Variants in ZNF385D observed in about 807,000 individuals in gnomAD.
The protein encoded by ZNF385D is zinc finger protein 659.
ZNF385D carries 15 observed loss-of-function variants against 35.8 expected under a neutral mutation model. The ratio of observed to expected loss-of-function variants is 0.42; its 90% confidence interval spans 0.28 to 0.64. The LOEUF is 0.64. ZNF385D is among the 30% of genes least tolerant of loss of function. The pLI is 0.23. For missense variants in ZNF385D, 474 were observed against 494.6 expected, an observed-to-expected ratio of 0.96 and a Z score of 0.39; for synonymous variants, 212 against 186.8, an observed-to-expected ratio of 1.13 and a Z score of -1.10.
intron 3 of ZNF385D, among the ~76,000 whole-genome samples, chr3:22,045,304 T>C (rs1288927965): frequency 6.6e-6 from 1 of 152,096 alleles, no homozygotes; most frequent in Non-Finnish European, 1.5e-5. Flanking sequence ...TTATTATTGC[T>C]TGGTGTGATC....
chr3:22,140,637 T>C (rs888248971), intron 3 of ZNF385D, among the ~76,000 whole-genome samples: 10 of 152,194 alleles, frequency 6.6e-5, no homozygotes, highest in Admixed American at 2.0e-4. Context: ...AAGGTTAACA[T>C]TACCTTTGGG....
chr3:22,112,854 C>A (rs1702608932), intron 3 of ZNF385D, among the ~76,000 whole-genome samples: 1 of 151,224 alleles, frequency 6.6e-6, no homozygotes, highest in African/African-American at 2.4e-5. Context: ...GGAAAAAAAA[C>A]AGAAGCAATT....
In ZNF385D at chr3:22,061,047, T is replaced by C. The variant is rs189448024; in HGVS notation, c.325+107770A>G. Among the ~76,000 whole-genome samples, 309 of 152,284 alleles carry C rather than the reference T, an allele frequency of 2.0e-3. 1 individual carries two copies. Among genetic ancestry groups the C allele is most frequent in the Admixed American group, 3.9e-3 (60 of 15,274 alleles). On this transcript the variant is annotated intron_variant, in intron 3 of 5. Transcript: ENST00000494108. Reference sequence around the variant, plus strand: ...ATTTAAAAGGTTTGTTGATTTCTCATTCTCTGAGGGCAGTATTAATATTAC... The same window carrying C: ...ATTTAAAAGGTTTGTTGATTTCTCACTCTCTGAGGGCAGTATTAATATTAC...
intron 4 of ZNF385D, among the ~76,000 whole-genome samples, chr3:21,491,329 C>T (rs1226388420): frequency 6.6e-6 from 1 of 151,794 alleles, no homozygotes; most frequent in African/African-American, 2.4e-5. Flanking sequence ...GGAGGATGAT[C>T]AATAATGGGC....
At chr3:22,100,768 G>C (rs988910956) in intron 3 of ZNF385D, among the ~76,000 whole-genome samples, 1 of 151,438 alleles carries the variant, frequency 6.6e-6, no homozygotes, top group Admixed American at 6.6e-5. Flanking sequence ...CACCAGCATG[G>C]CACATGTATA....
rs549939396 is a variant in ZNF385D, at chr3:21,724,870, C to A, written c.22+26025G>T. Among the ~76,000 whole-genome samples, 10 of 152,302 alleles carry A rather than the reference C, an allele frequency of 6.6e-5. No homozygotes were observed. In the South Asian group the frequency reaches 2.1e-3, roughly 32 times the overall value. ...TACACAACTCTCCACCCCAAATCAA[C>A]AGAATATACATTCTTCTCAGCACTA... On this transcript the variant is annotated intron_variant, in intron 1 of 7. Coordinates refer to ENST00000281523, the MANE Select transcript of ZNF385D (RefSeq NM_024697.3).
chr3:22,192,727 A>C (rs952765953), intron 2 of ZNF385D, among the ~76,000 whole-genome samples: 3 of 152,178 alleles, frequency 2.0e-5, no homozygotes, highest in African/African-American at 7.2e-5. Flanking sequence ...CTCCAGACCT[A>C]TAGAAAATGT....
intron 2 of ZNF385D, among the ~76,000 whole-genome samples, chr3:21,645,023 A>G (rs1001822579): frequency 6.6e-6 from 1 of 152,340 alleles, no homozygotes; most frequent in East Asian, 1.9e-4. Flanking sequence ...GTCTACAAAC[A>G]GGAAAGCTAA....
At chr3:22,146,492 C>T (rs1033724963) in intron 3 of ZNF385D, among the ~76,000 whole-genome samples, 2 of 152,082 alleles carry the variant, frequency 1.3e-5, no homozygotes, top group Non-Finnish European at 2.9e-5. Context: ...GAAGTAATAT[C>T]TACTTAGGTC....
chr3:22,108,836 A>G (rs1429608354), intron 3 of ZNF385D, among the ~76,000 whole-genome samples: 1 of 152,082 alleles, frequency 6.6e-6, no homozygotes, highest in African/African-American at 2.4e-5. Context: ...AACATGGTGA[A>G]ACCCTGTCTC....
At chr3:22,085,777 C>T (rs368696449) in intron 3 of ZNF385D, among the ~76,000 whole-genome samples, 1 of 152,168 alleles carries the variant, frequency 6.6e-6, no homozygotes, top group South Asian at 2.1e-4. Context: ...GCCAATATTC[C>T]TGATGAACAT....
intron 3 of ZNF385D, among the ~76,000 whole-genome samples, chr3:21,910,181 C>G (rs1190842475): frequency 6.6e-6 from 1 of 151,848 alleles, no homozygotes; most frequent in African/African-American, 2.4e-5. Flanking sequence ...CACCGTCATC[C>G]AATAGCTATG....
chr3:21,429,732 T>C (rs558786465), intron 5 of ZNF385D, among the ~76,000 whole-genome samples: 41 of 152,122 alleles, frequency 2.7e-4, no homozygotes, highest in Non-Finnish European at 5.0e-4. Flanking sequence ...TAAAATAAAT[T>C]TGAATACCTT....
chr3:22,002,033 C>CT (rs1399979086), intron 3 of ZNF385D, among the ~76,000 whole-genome samples: 2 of 151,166 alleles, frequency 1.3e-5, no homozygotes, highest in Non-Finnish European at 3.0e-5. Context: ...GCTCAAGGTA[C>CT]TAGAAAAACA....
At chr3:22,345,909 C>A (rs1478463932) in intron 2 of ZNF385D, among the ~76,000 whole-genome samples, 2 of 152,178 alleles carry the variant, frequency 1.3e-5, no homozygotes, top group African/African-American at 4.8e-5. Flanking sequence ...AGGGGCTATT[C>A]CAGTTCTAGT....
chr3:21,468,349 C>A (rs1452120014), intron 4 of ZNF385D, among the ~76,000 whole-genome samples: 1 of 130,666 alleles, frequency 7.7e-6, no homozygotes, highest in Non-Finnish European at 1.6e-5. Context: ...TTGCACTGAG[C>A]CAAGATCATA....
chr3:21,491,818 A>G (rs1705445777), intron 4 of ZNF385D, among the ~76,000 whole-genome samples: 1 of 152,146 alleles, frequency 6.6e-6, no homozygotes, highest in African/African-American at 2.4e-5. Flanking sequence ...AGCCAACTGG[A>G]TGACTTCTCT....
chr3:22,203,824 T>G (rs984845430), intron 2 of ZNF385D, among the ~76,000 whole-genome samples: 2 of 152,276 alleles, frequency 1.3e-5, no homozygotes, highest in East Asian at 1.9e-4. Flanking sequence ...CGCAGTAGAA[T>G]AGAGCATCAG....
intron 2 of ZNF385D, among the ~76,000 whole-genome samples, chr3:21,604,028 G>A (rs1360206168): frequency 6.6e-6 from 1 of 152,200 alleles, no homozygotes; most frequent in South Asian, 2.1e-4. Flanking sequence ...AAACAAGAAT[G>A]AAGCAAGCGA....
Sources: allele counts gnomAD v4.1 joint callset (sites outside exome capture counted in the v4.1 genomes callset), GRCh38; gene constraint gnomAD v4.1.1; transcripts MANE v1.5; gene names NCBI Gene and HGNC (gene_info 2026-07-23, HGNC 2026-07-21).